The following THEMIS variants were observed in gnomAD, a reference collection of about 807,000 sequenced individuals.
THEMIS encodes thymocyte selection associated, also known as protein THEMIS.
A neutral mutation model predicts 52.6 loss-of-function variants in THEMIS; 37 were observed. That is an observed-to-expected ratio of 0.70 (90% CI 0.54 to 0.93). The LOEUF is 0.93. Ranked by LOEUF, THEMIS falls within the 40% of genes least tolerant of loss-of-function variation. THEMIS has a pLI of 0.00. For synonymous variants in THEMIS, 292 were observed against 272.7 expected (o/e 1.07, Z -0.70); for missense variants, 808 against 763.1 (o/e 1.06, Z -0.69).
intron 3 of THEMIS, among the ~76,000 whole-genome samples, chr6:127,825,216 CAGAG>C (rs916979239): frequency 2.6e-5 from 4 of 152,010 alleles, no homozygotes; most frequent in African/African-American, 9.7e-5. Flanking sequence ...AAATTAAAGA[CAGAG>C]AGAAGAGAAA....
intron 5 of THEMIS, among the ~76,000 whole-genome samples, chr6:127,718,605 A>G (rs1774252463): frequency 6.6e-6 from 1 of 151,994 alleles, no homozygotes; most frequent in Non-Finnish European, 1.5e-5. Context: ...AGAAAGAAAG[A>G]AAAACAAGTT....
intron 4 of THEMIS, among the ~76,000 whole-genome samples, chr6:127,801,393 C>T (rs898300548): frequency 1.3e-5 from 2 of 152,120 alleles, no homozygotes; most frequent in African/African-American, 2.4e-5. Context: ...AAAATAGACA[C>T]AAGCTCTTAT....
At chr6:127,768,149 G>T (rs555037503) in intron 4 of THEMIS, among the ~76,000 whole-genome samples, 1 of 152,170 alleles carries the variant, frequency 6.6e-6, no homozygotes, top group South Asian at 2.1e-4. Context: ...TACATCTGAG[G>T]CTAGATATTT....
At chr6:127,789,244 C>T (rs1252103835) in intron 4 of THEMIS, among the ~76,000 whole-genome samples, 1 of 152,174 alleles carries the variant, frequency 6.6e-6, no homozygotes, top group Non-Finnish European at 1.5e-5. Flanking sequence ...ATACTATAAA[C>T]ACCTCTATGC....
At chr6:127,736,818 A>G (rs1356501988) in intron 4 of THEMIS, among the ~76,000 whole-genome samples, 1 of 150,416 alleles carries the variant, frequency 6.6e-6, no homozygotes, top group African/African-American at 2.4e-5. Flanking sequence ...CAGTTTTGAA[A>G]ACTATGACAT....
chr6:127,826,316 T>G (rs960403921), intron 3 of THEMIS, among the ~76,000 whole-genome samples: 1 of 152,144 alleles, frequency 6.6e-6, no homozygotes, highest in Admixed American at 6.5e-5. Context: ...TTTTAAAAAT[T>G]AAATGAGAGA....
the THEMIS span, among the ~76,000 whole-genome samples, chr6:127,701,419 A>G: frequency 6.6e-6 from 1 of 152,074 alleles, no homozygotes; most frequent in African/African-American, 2.4e-5. Flanking sequence ...TTACACTACA[A>G]TGTGTTTGCC....
At chr6:127,722,512 C>CT (rs1476460357) in intron 4 of THEMIS, among the ~76,000 whole-genome samples, 1 of 151,920 alleles carries the variant, frequency 6.6e-6, no homozygotes, top group African/African-American at 2.4e-5. Flanking sequence ...GATAACTTTG[C>CT]TTTATGGTTT....
chr6:127,827,963 T>G (rs1240986146), intron 3 of THEMIS, among the ~76,000 whole-genome samples: 1 of 152,124 alleles, frequency 6.6e-6, no homozygotes. Flanking sequence ...GCCCTCTCCG[T>G]TTTTTTCTCA....
At chr6:127,901,557 A>T (rs905606743), upstream of THEMIS, among the ~76,000 whole-genome samples, 2 of 152,116 alleles carry the variant, frequency 1.3e-5, no homozygotes, top group Admixed American at 1.3e-4. Flanking sequence ...CACATTAAAA[A>T]TTTTGCTGAA....
At chr6:127,881,701 C>A (rs1780489688) in intron 1 of THEMIS, among the ~76,000 whole-genome samples, 1 of 151,850 alleles carries the variant, frequency 6.6e-6, no homozygotes, top group South Asian at 2.1e-4. Context: ...TTGCTTTTAT[C>A]TAAGTTTATT....
intron 5 of THEMIS, among the ~76,000 whole-genome samples, chr6:127,714,450 C>A (rs928452520): frequency 3.3e-5 from 5 of 151,514 alleles, no homozygotes; most frequent in Non-Finnish European, 7.4e-5. Flanking sequence ...TCAAACATTC[C>A]TGCCACCCCA....
upstream of THEMIS, among the ~76,000 whole-genome samples, chr6:127,904,834 C>T (rs909679433): frequency 6.6e-6 from 1 of 151,952 alleles, no homozygotes; most frequent in African/African-American, 2.4e-5. Flanking sequence ...TTAAAAAATA[C>T]AGTAACTGAA....
At chr6:127,738,009 G>A (rs1020210736) in intron 4 of THEMIS, among the ~76,000 whole-genome samples, 1 of 152,080 alleles carries the variant, frequency 6.6e-6, no homozygotes, top group African/African-American at 2.4e-5. Flanking sequence ...CATCTGGAGT[G>A]GGCCTCTATC....
chr6:127,911,150 TC>T (rs1331130660), intron 1 of THEMIS, among the ~76,000 whole-genome samples: 8 of 151,314 alleles, frequency 5.3e-5, no homozygotes, highest in Admixed American at 3.9e-4. Context: ...GTTAACTTTA[TC>T]TGACTAAGGT....
intron 5 of THEMIS, among the ~76,000 whole-genome samples, chr6:127,712,715 T>C (rs1261537760): frequency 1.3e-5 from 2 of 151,636 alleles, no homozygotes; most frequent in Non-Finnish European, 2.9e-5. Flanking sequence ...AGTTTCATTT[T>C]GCTTTTTGCT....
intron 1 of THEMIS, among the ~76,000 whole-genome samples, chr6:127,866,727 TTATCCATTTCAGAGCACA>T (rs1052041554): frequency 4.0e-5 from 6 of 151,820 alleles, no homozygotes; most frequent in Non-Finnish European, 8.8e-5. Context: ...AGATCTAATA[TTATCCATTTCAGAGCACA>T]AAACCAGATA....
intron 1 of THEMIS, among the ~76,000 whole-genome samples, chr6:127,872,582 T>G: frequency 6.6e-6 from 1 of 151,496 alleles, no homozygotes; most frequent in East Asian, 1.9e-4. Context: ...AACAAAAAAC[T>G]CTCAGAAAAA....
chr6:127,781,808 T>C lies in THEMIS; in HGVS notation c.1758+31075A>G, dbSNP rs1001502511. Among the ~76,000 whole-genome samples the C allele has an allele frequency of 4.6e-5, 7 of 152,032 alleles. No homozygotes were observed. In the East Asian group the frequency reaches 1.4e-3, roughly 29 times the overall value. ...GCACCAGCCAGATTCCAGCTGGAGC[T>C]CTCCTGTATGAGGTGTCTGTCGACC... On this transcript the variant is annotated intron_variant, in intron 4 of 5. Transcript: ENST00000368248.
Sources: gnomAD v4.1 joint callset for allele counts (sites outside exome capture counted in the v4.1 genomes callset) on GRCh38, gnomAD v4.1.1 for gene constraint, MANE v1.5 for transcripts, NCBI Gene and HGNC (gene_info 2026-07-23, HGNC 2026-07-21) for gene names.